Variants in UBE2H observed in about 807,000 individuals in gnomAD.
UBE2H encodes the protein ubiquitin-conjugating enzyme E2 H.
A neutral mutation model predicts 29.0 loss-of-function variants in UBE2H; 3 were observed. The observed-to-expected ratio is 0.10, with a 90% CI of 0.05 to 0.27. The LOEUF is 0.27. UBE2H is among the 10% of genes least tolerant of loss of function. The pLI, the probability that UBE2H is intolerant of heterozygous loss-of-function variation, is 1.00. For synonymous variants in UBE2H, 69 were observed against 82.9 expected, an observed-to-expected ratio of 0.83 and a Z score of 0.91; for missense variants, 68 against 228.2, an observed-to-expected ratio of 0.30 and a Z score of 4.52.
intron 1 of UBE2H, among the ~76,000 whole-genome samples, chr7:129,899,894 G>A (rs896851964): frequency 5.3e-5 from 8 of 152,104 alleles, no homozygotes; most frequent in African/African-American, 1.4e-4. Context: ...TTGGGAGGCC[G>A]AGGCAGGCAG....
At chr7:129,883,089 G>T (rs77414452) in intron 1 of UBE2H, among the ~76,000 whole-genome samples, 9,523 of 152,266 alleles carry the variant, frequency 0.063, 370 homozygotes, top group Non-Finnish European at 0.092. Flanking sequence ...ATTCATTAAA[G>T]AAGTTTAAAA....
chr7:129,893,284 C>G (rs552175197), intron 1 of UBE2H, among the ~76,000 whole-genome samples: 23 of 152,206 alleles, frequency 1.5e-4, no homozygotes, highest in Admixed American at 1.1e-3. Flanking sequence ...GTAAATGTTA[C>G]TTAAATAGGA....
chr7:129,877,037 G>C (rs147891747), intron 3 of UBE2H, among the ~76,000 whole-genome samples: 59 of 152,298 alleles, frequency 3.9e-4, no homozygotes, highest in African/African-American at 1.4e-3. Flanking sequence ...CACCCTTTAA[G>C]GGATAAGATT....
intron 5 of UBE2H, among the ~76,000 whole-genome samples, chr7:129,855,049 T>C (rs1805680122): frequency 6.6e-6 from 1 of 152,216 alleles, no homozygotes; most frequent in African/African-American, 2.4e-5. Context: ...AGGGTACACA[T>C]TTATTTTTGA....
Position 129,867,550 on chromosome 7 carries a change from G to C in UBE2H, c.206-8609C>G, listed in dbSNP as rs1356506807. Among the ~76,000 whole-genome samples, 80 of 66,496 alleles carry C rather than the reference G, an allele frequency of 1.2e-3. 1 individual carries two copies. Among genetic ancestry groups the C allele is most frequent in the African/African-American group, 4.6e-3 (78 of 16,820 alleles). The allele number at this position is 66,496 out of a possible 152,430, so 43.6% of individuals were successfully genotyped here. A position where few individuals can be genotyped will look rare whatever the true frequency, so the allele number is the denominator to read the frequency against. On this transcript the variant is annotated intron_variant, in intron 3 of 6. Coordinates refer to ENST00000355621, the MANE Select transcript of UBE2H (RefSeq NM_003344.4). ...AATATCACACTCTGGGGACTGTGGTGGGGTCGGGGGAGGGGGGAGGGATAG... is the reference window on the plus strand; with the variant it reads ...AATATCACACTCTGGGGACTGTGGTCGGGTCGGGGGAGGGGGGAGGGATAG...
At chr7:129,942,842 T>G (rs981692131) in intron 1 of UBE2H, among the ~76,000 whole-genome samples, 4 of 144,974 alleles carry the variant, frequency 2.8e-5, no homozygotes, top group African/African-American at 1.0e-4. Flanking sequence ...GTGTAATGTG[T>G]TTTTTTTTTT....
chr7:129,864,472 ACATAAGT>A (rs1805858920), intron 3 of UBE2H, among the ~76,000 whole-genome samples: 1 of 152,228 alleles, frequency 6.6e-6, no homozygotes, highest in Non-Finnish European at 1.5e-5. Flanking sequence ...TTTTATGGCA[ACATAAGT>A]AGAAGTAGCA....
intron 1 of UBE2H, among the ~76,000 whole-genome samples, chr7:129,917,052 A>AAC (rs1197963990): frequency 6.6e-6 from 1 of 151,670 alleles, no homozygotes; most frequent in Admixed American, 6.6e-5. Context: ...AAAAAAAAAA[A>AAC]AACACAGCTG....
intron 4 of UBE2H, among the ~76,000 whole-genome samples, chr7:129,858,660 G>A (rs2693722): frequency 0.95 from 144,982 of 152,260 alleles, 69,320 homozygotes; most frequent in East Asian, 1. Flanking sequence ...TGTTTGCTGG[G>A]TAACAAGAAA....
At chr7:129,878,623 C>A (rs992528398) in intron 3 of UBE2H, among the ~76,000 whole-genome samples, 5 of 135,682 alleles carry the variant, frequency 3.7e-5, no homozygotes, top group South Asian at 2.4e-4. Flanking sequence ...GCGGACCTTG[C>A]AGTGAGTCGA....
At chr7:129,934,552 C>T (rs548512518) in intron 1 of UBE2H, among the ~76,000 whole-genome samples, 4 of 148,098 alleles carry the variant, frequency 2.7e-5, no homozygotes, top group South Asian at 4.4e-4. Context: ...GCAGGAGAAT[C>T]GCTTGAACCT....
At chr7:129,884,779 T>C (rs1806326217) in intron 1 of UBE2H, among the ~76,000 whole-genome samples, 1 of 151,964 alleles carries the variant, frequency 6.6e-6, no homozygotes, top group Non-Finnish European at 1.5e-5. Flanking sequence ...AGACAGGGTC[T>C]CTCTCTTTGC....
chr7:129,941,740 A>AT (rs35710137), intron 1 of UBE2H, among the ~76,000 whole-genome samples: 144,361 of 151,290 alleles, frequency 0.95, 69,123 homozygotes, highest in East Asian at 1. Context: ...TCCAGCTTTA[A>AT]TTTTTTTTTA....
intron 1 of UBE2H, among the ~76,000 whole-genome samples, chr7:129,919,767 T>C (rs1807120270): frequency 6.6e-6 from 1 of 152,182 alleles, no homozygotes. Flanking sequence ...CTCACCTCTC[T>C]TGTTACCATC....
At chr7:129,868,799 G>A (rs911565274) in intron 3 of UBE2H, among the ~76,000 whole-genome samples, 2 of 152,066 alleles carry the variant, frequency 1.3e-5, no homozygotes, top group African/African-American at 4.8e-5. Flanking sequence ...CATTAAAAGG[G>A]CCCATTTGAC....
In UBE2H at chr7:129,834,718, A is replaced by C; in HGVS notation, c.*219T>G. On this transcript the variant is annotated 3_prime_UTR_variant, in exon 7 of 7. Coordinates refer to ENST00000355621, the MANE Select transcript of UBE2H (RefSeq NM_003344.4). ...GCATGCATTCAGACCGCATATTGCT[A>C]CCAAATGGAATGTGGGAATATGCTA... 1 of 495,800 alleles carries C rather than the reference A, an allele frequency of 2.0e-6. No homozygotes were observed. The highest frequency in any genetic ancestry group is 3.4e-6 in the Non-Finnish European group (1 of 293,808). 30.7% of individuals were successfully genotyped at this position (495,800 alleles called of 1,614,324 possible). A position where few individuals can be genotyped will look rare whatever the true frequency, so the allele number is the denominator to read the frequency against.
At chr7:129,844,197 CAT>C (rs1441745277) in intron 5 of UBE2H, among the ~76,000 whole-genome samples, 2 of 152,198 alleles carry the variant, frequency 1.3e-5, no homozygotes, top group Non-Finnish European at 2.9e-5. Context: ...AAAGGAAACA[CAT>C]GAGGCCCAGT....
intron 1 of UBE2H, among the ~76,000 whole-genome samples, chr7:129,920,134 T>A (rs1004107984): frequency 1.3e-5 from 2 of 152,230 alleles, no homozygotes; most frequent in Non-Finnish European, 2.9e-5. Context: ...ATATCTCAAG[T>A]ATGCATCTCT....
At chr7:129,904,946 A>G (rs1806785830) in intron 1 of UBE2H, among the ~76,000 whole-genome samples, 1 of 152,056 alleles carries the variant, frequency 6.6e-6, no homozygotes, top group Admixed American at 6.5e-5. Context: ...GGCTAAATGC[A>G]ATGGGAGATT....
Sources: gnomAD v4.1 joint callset for allele counts (sites outside exome capture counted in the v4.1 genomes callset) on GRCh38, gnomAD v4.1.1 for gene constraint, MANE v1.5 for transcripts, NCBI Gene and HGNC (gene_info 2026-07-23, HGNC 2026-07-21) for gene names.